Variants in NUBPL observed in about 807,000 individuals in gnomAD.
NUBPL encodes the protein iron-sulfur cluster transfer protein NUBPL.
A neutral mutation model predicts 45.7 loss-of-function variants in NUBPL; 31 were observed. The observed-to-expected ratio is 0.68, with a 90% CI of 0.51 to 0.92. The LOEUF is 0.92. NUBPL is among the 40% of genes least tolerant of loss of function. NUBPL has a pLI of 0.00. For missense variants in NUBPL, 401 were observed against 398.7 expected, an observed-to-expected ratio of 1.01 and a Z score of -0.05; for synonymous variants, 144 against 140.9, an observed-to-expected ratio of 1.02 and a Z score of -0.15.
chr14:31,606,808 T>G (rs1439666589), intron 4 of NUBPL, among the ~76,000 whole-genome samples: 2 of 152,174 alleles, frequency 1.3e-5, no homozygotes. Context: ...ATATTCTTGC[T>G]TACCTCTTCA....
At chr14:31,820,019 A>C (rs187612040) in intron 7 of NUBPL, among the ~76,000 whole-genome samples, 1 of 151,874 alleles carries the variant, frequency 6.6e-6, no homozygotes, top group African/African-American at 2.4e-5. Context: ...GGGTGCCTGT[A>C]GTCCCAGCTA....
At chr14:31,689,564 C>A (rs1203382260) in intron 6 of NUBPL, among the ~76,000 whole-genome samples, 1 of 151,910 alleles carries the variant, frequency 6.6e-6, no homozygotes, top group Admixed American at 6.6e-5. Flanking sequence ...GGATATTAGA[C>A]CTTTGTCAGA....
intron 10 of NUBPL, among the ~76,000 whole-genome samples, chr14:31,858,327 A>G (rs1435477617): frequency 6.6e-6 from 1 of 152,234 alleles, no homozygotes; most frequent in Non-Finnish European, 1.5e-5. Flanking sequence ...GTGGGGACAC[A>G]GCCAAACCAT....
intron 8 of NUBPL, among the ~76,000 whole-genome samples, chr14:31,830,939 A>G (rs928594630): frequency 2.0e-5 from 3 of 152,134 alleles, no homozygotes; most frequent in Admixed American, 6.5e-5. Flanking sequence ...CCTACTGGAG[A>G]ACATTTTAAC....
chr14:31,737,908 T>G (rs571798519), intron 6 of NUBPL, among the ~76,000 whole-genome samples: 1 of 152,328 alleles, frequency 6.6e-6, no homozygotes, highest in Non-Finnish European at 1.5e-5. Flanking sequence ...TATTTCTGAA[T>G]TTTTTTGTTT....
At chr14:31,726,882 T>G (rs899383018) in intron 6 of NUBPL, among the ~76,000 whole-genome samples, 5 of 152,160 alleles carry the variant, frequency 3.3e-5, no homozygotes. Flanking sequence ...TGCTTTGTCT[T>G]GAAGGGGCTG....
In NUBPL at chr14:31,818,750, G is replaced by A. The variant is rs189232267; in HGVS notation, c.608-7879G>A. On this transcript the variant is annotated intron_variant, in intron 7 of 10. Coordinates refer to ENST00000281081, the MANE Select transcript of NUBPL (RefSeq NM_025152.3). Reference sequence around the variant, plus strand: ...TTTTTAGTAGAAATGGGGTTTCACCGTGTTAGCCAGGATGGTCTCGATCTC... The same window carrying A: ...TTTTTAGTAGAAATGGGGTTTCACCATGTTAGCCAGGATGGTCTCGATCTC... Among the ~76,000 whole-genome samples the A allele has an allele frequency of 2.6e-4, 40 of 152,214 alleles. No individual in the cohort carries two copies. The East Asian group carries it at 7.2e-3, about 27-fold the overall frequency.
At chr14:31,696,593 C>A (rs937471723) in intron 6 of NUBPL, among the ~76,000 whole-genome samples, 1 of 151,712 alleles carries the variant, frequency 6.6e-6, no homozygotes, top group Non-Finnish European at 1.5e-5. Flanking sequence ...GAAAAAAAAA[C>A]GTGTTCTCAA....
rs181413773 is a variant in NUBPL, at chr14:31,669,350, A to T, written c.383-4005A>T. Among the ~76,000 whole-genome samples the T allele has an allele frequency of 1.1e-4, 17 of 152,050 alleles. No homozygotes were observed. The East Asian group carries it at 2.9e-3, about 26-fold the overall frequency. ...GCTATTTTGAGATACACAATACCTT[A>T]TTGTTAATGCATGTAGTATTTGAAT... On this transcript the variant is annotated intron_variant, in intron 4 of 10. Coordinates refer to ENST00000281081, the MANE Select transcript of NUBPL (RefSeq NM_025152.3).
chr14:31,681,260 CT>C (rs142283442), intron 6 of NUBPL, among the ~76,000 whole-genome samples: 4,860 of 151,692 alleles, frequency 0.032, 243 homozygotes, highest in African/African-American at 0.11. Flanking sequence ...TAAATTTTAT[CT>C]TGTTTTAATT....
intron 7 of NUBPL, among the ~76,000 whole-genome samples, chr14:31,806,138 A>C (rs1179995762): frequency 6.6e-6 from 1 of 152,198 alleles, no homozygotes; most frequent in African/African-American, 2.4e-5. Context: ...AGGATCTGAA[A>C]TGTAGCTCTG....
At chr14:31,844,131 G>T (rs1357834395) in intron 8 of NUBPL, 1 of 152,160 alleles carries the variant, frequency 6.6e-6, no homozygotes, top group Non-Finnish European at 1.5e-5. Flanking sequence ...GTGATAAGAA[G>T]ATGTAAATCA....
chr14:31,776,518 G>T (rs1349134137), intron 6 of NUBPL, among the ~76,000 whole-genome samples: 1 of 152,158 alleles, frequency 6.6e-6, no homozygotes, highest in Non-Finnish European at 1.5e-5. Flanking sequence ...TCCTGCCATG[G>T]AGTCATGCCA....
intron 3 of NUBPL, chr14:31,578,145 G>A: frequency 2.1e-6 from 1 of 481,820 alleles, no homozygotes; most frequent in Non-Finnish European, 4.0e-6. Context: ...GGAGAACTAT[G>A]CTTAGAGAAG....
intron 4 of NUBPL, among the ~76,000 whole-genome samples, chr14:31,651,886 G>A (rs538908674): frequency 1.7e-3 from 253 of 144,600 alleles, no homozygotes; most frequent in Non-Finnish European, 2.8e-3. Flanking sequence ...GCAACAGAGC[G>A]AGACTCTGTC....
At chr14:31,708,673 G>T (rs544124984) in intron 6 of NUBPL, among the ~76,000 whole-genome samples, 1 of 152,194 alleles carries the variant, frequency 6.6e-6, no homozygotes, top group Non-Finnish European at 1.5e-5. Flanking sequence ...AGAAGGCTGC[G>T]CCAGTGTCTA....
chr14:31,610,608 CAA>C (rs775656176), intron 4 of NUBPL, among the ~76,000 whole-genome samples: 24,814 of 94,532 alleles, frequency 0.26, 2,649 homozygotes, highest in Middle Eastern at 0.4. Context: ...AAAGATACAT[CAA>C]AAAAAAAAAA....
Position 31,603,081 on chromosome 14 carries a change from G to A in NUBPL, c.382+3702G>A, listed in dbSNP as rs113841233. Reference sequence around the variant, plus strand: ...AATCCCAGCACTTTGGGAGACTGAGGTGGGAGGACAGCTTGAGCCCAGGAG... The same window carrying A: ...AATCCCAGCACTTTGGGAGACTGAGATGGGAGGACAGCTTGAGCCCAGGAG... On this transcript the variant is annotated intron_variant, in intron 4 of 10. Transcript: ENST00000281081. Among the ~76,000 whole-genome samples the A allele has an allele frequency of 1.8e-4, 27 of 152,170 alleles. 1 individual carries two copies. The highest frequency in any genetic ancestry group is 5.8e-4 in the African/African-American group (24 of 41,536).
chr14:31,653,071 T>C (rs2378935), intron 4 of NUBPL, among the ~76,000 whole-genome samples: 151,965 of 152,280 alleles, frequency 1, 75,826 homozygotes, highest in Middle Eastern at 1. Flanking sequence ...TCACAAAGAT[T>C]ACATACTTCA....
Sources: allele counts gnomAD v4.1 joint callset (sites outside exome capture counted in the v4.1 genomes callset), GRCh38; gene constraint gnomAD v4.1.1; transcripts MANE v1.5; gene names NCBI Gene and HGNC (gene_info 2026-07-23, HGNC 2026-07-21).